ITFG1: variants seen among roughly 807,000 people sequenced by gnomAD.
ITFG1 encodes the protein T-cell immunomodulatory protein.
A neutral mutation model predicts 81.8 loss-of-function variants in ITFG1; 34 were observed. That is an observed-to-expected ratio of 0.42 (90% confidence interval 0.32 to 0.55). The LOEUF (loss-of-function observed/expected upper bound fraction) is 0.55. ITFG1 is among the 20% of genes least tolerant of loss of function. ITFG1 has a pLI of 0.17. For synonymous variants in ITFG1, 285 were observed against 270.6 expected (o/e 1.05, Z -0.52); for missense variants, 672 against 755.4 (o/e 0.89, Z 1.29).
intron 14 of ITFG1, among the ~76,000 whole-genome samples, chr16:47,208,681 T>C (rs1965530107): frequency 6.6e-6 from 1 of 152,242 alleles, no homozygotes; most frequent in Admixed American, 6.5e-5. Context: ...TTCTCCTGTT[T>C]GAAAAATACT....
At chr16:47,359,431 A>C (rs1339651761) in intron 8 of ITFG1, among the ~76,000 whole-genome samples, 1 of 152,146 alleles carries the variant, frequency 6.6e-6, no homozygotes, top group African/African-American at 2.4e-5. Context: ...AAAAATCTAG[A>C]AATCAGTCTT....
intron 14 of ITFG1, among the ~76,000 whole-genome samples, chr16:47,212,792 A>G (rs1251409031): frequency 6.6e-6 from 1 of 152,006 alleles, no homozygotes. Context: ...CATTCCTGAC[A>G]CTGGCAATTT....
intron 8 of ITFG1, among the ~76,000 whole-genome samples, chr16:47,343,982 CG>C (rs1427723087): frequency 6.6e-6 from 1 of 151,990 alleles, no homozygotes; most frequent in African/African-American, 2.4e-5. Flanking sequence ...AGACAGAACA[CG>C]GATGAACCGC....
intron 12 of ITFG1, among the ~76,000 whole-genome samples, chr16:47,250,207 T>C (rs1966053959): frequency 6.6e-6 from 1 of 152,176 alleles, no homozygotes; most frequent in South Asian, 2.1e-4. Flanking sequence ...TGGTCTGTTA[T>C]TGATTACCTA....
At chr16:47,389,838 C>T (rs1185672094) in intron 6 of ITFG1, among the ~76,000 whole-genome samples, 1 of 152,098 alleles carries the variant, frequency 6.6e-6, no homozygotes, top group Non-Finnish European at 1.5e-5. Flanking sequence ...AGAAAATATT[C>T]ACTGAAAGCA....
At chr16:47,180,632 G>C (rs1030749780) in intron 14 of ITFG1, among the ~76,000 whole-genome samples, 2 of 152,194 alleles carry the variant, frequency 1.3e-5, no homozygotes, top group Non-Finnish European at 2.9e-5. Context: ...TGATCCGCCA[G>C]CCTCGGCCTC....
intron 6 of ITFG1, among the ~76,000 whole-genome samples, chr16:47,424,333 A>T (rs1483764478): frequency 6.6e-6 from 1 of 152,010 alleles, no homozygotes; most frequent in Non-Finnish European, 1.5e-5. Flanking sequence ...CATTCGCCTA[A>T]CCTTTTTTCA....
intron 8 of ITFG1, among the ~76,000 whole-genome samples, chr16:47,343,470 A>C (rs939843114): frequency 3.3e-5 from 5 of 152,158 alleles, no homozygotes; most frequent in African/African-American, 1.2e-4. Flanking sequence ...AAAGGATTTA[A>C]TATGTAGAAT....
At chr16:47,387,654 C>T (rs779749127) in intron 6 of ITFG1, among the ~76,000 whole-genome samples, 1 of 152,198 alleles carries the variant, frequency 6.6e-6, no homozygotes, top group Non-Finnish European at 1.5e-5. Flanking sequence ...GCCTGCCTTG[C>T]GGTTCCCACA....
chr16:47,319,420 G>C (rs549063129), intron 8 of ITFG1, among the ~76,000 whole-genome samples: 85 of 152,302 alleles, frequency 5.6e-4, no homozygotes, highest in Non-Finnish European at 9.8e-4. Context: ...ACAGTAGCTT[G>C]TCTGTCAAGT....
intron 10 of ITFG1, among the ~76,000 whole-genome samples, chr16:47,270,672 T>C (rs559611288): frequency 8.5e-5 from 13 of 152,270 alleles, no homozygotes; most frequent in Admixed American, 5.2e-4. Context: ...AACGTGTAAA[T>C]GGATATAAGC....
intron 8 of ITFG1, among the ~76,000 whole-genome samples, chr16:47,345,291 CTTTT>C (rs113155280): frequency 6.9e-6 from 1 of 145,226 alleles, no homozygotes; most frequent in African/African-American, 2.5e-5. Context: ...CAAAAAAACT[CTTTT>C]TTTTTTTGTT....
chr16:47,176,953 C>CTT (rs746522529), intron 14 of ITFG1, among the ~76,000 whole-genome samples: 3 of 135,190 alleles, frequency 2.2e-5, no homozygotes. Context: ...TCTTCTTCTT[C>CTT]TTTTTTTTTT....
At chr16:47,377,360 C>A (rs1968340106) in intron 6 of ITFG1, among the ~76,000 whole-genome samples, 1 of 152,160 alleles carries the variant, frequency 6.6e-6, no homozygotes, top group South Asian at 2.1e-4. Context: ...CTCATGCACT[C>A]CCAATGACGT....
intron 8 of ITFG1, among the ~76,000 whole-genome samples, chr16:47,348,073 T>C (rs1383189000): frequency 6.6e-6 from 1 of 151,914 alleles, no homozygotes; most frequent in Non-Finnish European, 1.5e-5. Flanking sequence ...GTCACCATCA[T>C]CAAAGACAAA....
chr16:47,190,539 G>A (rs1475601646), intron 14 of ITFG1, among the ~76,000 whole-genome samples: 2 of 152,140 alleles, frequency 1.3e-5, no homozygotes, highest in African/African-American at 4.8e-5. Context: ...TTAAAGTTGT[G>A]AGTGTCAGTA....
At chr16:47,375,504 A>AGGGG (rs1231853846) in intron 7 of ITFG1, among the ~76,000 whole-genome samples, 9 of 152,242 alleles carry the variant, frequency 5.9e-5, no homozygotes, top group Middle Eastern at 3.4e-3. Flanking sequence ...ATATAAGCCT[A>AGGGG]AAGGCAAAGG....
chr16:47,212,911 A>T (rs1171023185), intron 14 of ITFG1, among the ~76,000 whole-genome samples: 2 of 151,990 alleles, frequency 1.3e-5, no homozygotes, highest in Admixed American at 6.6e-5. Context: ...GAATTTCAAT[A>T]ACTTCTGCTC....
chr16:47,264,738 T>C (rs1327064263), intron 10 of ITFG1, among the ~76,000 whole-genome samples: 4 of 152,166 alleles, frequency 2.6e-5, no homozygotes, highest in African/African-American at 9.7e-5. Flanking sequence ...TTTCCAACAA[T>C]GTATGAGCGT....
Sources: allele counts gnomAD v4.1 joint callset (sites outside exome capture counted in the v4.1 genomes callset), GRCh38; gene constraint gnomAD v4.1.1; transcripts MANE v1.5; gene names NCBI Gene and HGNC (gene_info 2026-07-23, HGNC 2026-07-21).